Variants in PPEF1 observed in about 807,000 individuals in gnomAD.
The protein encoded by PPEF1 is protein phosphatase with EF-hand domain 1.
PPEF1 carries 12 observed loss-of-function variants against 53.3 expected under a neutral mutation model. That is an observed-to-expected ratio of 0.23 (90% CI 0.14 to 0.36). PPEF1 has a LOEUF of 0.36. Among genes scored for constraint, PPEF1 ranks in the 10% least tolerant of loss-of-function variants. The pLI, the probability that PPEF1 is intolerant of heterozygous loss-of-function variation, is 1.00. For missense variants in PPEF1, 334 were observed against 490.4 expected (o/e 0.68, Z 3.01); for synonymous variants, 165 against 176.7 (o/e 0.93, Z 0.52).
At chrX:18,716,691 A>G (rs2044466001) in intron 1 of PPEF1, among the ~76,000 whole-genome samples, 2 of 110,613 alleles carry the variant, frequency 1.8e-5, no homozygotes, top group Admixed American at 1.9e-4. Flanking sequence ...ATAACAAATG[A>G]AAATCTTTCA....
At chrX:18,717,292 C>T (rs951300723) in intron 1 of PPEF1, among the ~76,000 whole-genome samples, 6 of 108,550 alleles carry the variant, frequency 5.5e-5, no homozygotes, top group Non-Finnish European at 5.7e-5. Context: ...GGGATATTCT[C>T]TTATATAACT....
chrX:18,808,952 A>G (rs1363319661), intron 12 of PPEF1, among the ~76,000 whole-genome samples: 5 of 111,593 alleles, frequency 4.5e-5, no homozygotes, highest in Non-Finnish European at 7.5e-5. Context: ...AGATATTTGC[A>G]TTCCCATGCT....
intron 4 of PPEF1, among the ~76,000 whole-genome samples, chrX:18,695,763 T>C (rs1384503972): frequency 8.9e-6 from 1 of 112,454 alleles, no homozygotes; most frequent in Non-Finnish European, 1.9e-5. Flanking sequence ...ATTAATCTAT[T>C]TATTAAATCA....
chrX:18,818,238 C>A, intron 13 of PPEF1, 93 bp downstream of exon 13: 1 of 513,638 alleles, frequency 1.9e-6, no homozygotes, highest in Non-Finnish European at 3.1e-6. Flanking sequence ...GATTTCAGTT[C>A]TCCATTTTTA....
intron 14 of PPEF1, among the ~76,000 whole-genome samples, chrX:18,824,395 G>A (rs2047124542): frequency 9.1e-6 from 1 of 109,512 alleles, no homozygotes; most frequent in South Asian, 4.1e-4. Context: ...AGCCAGGATC[G>A]CACCATTGCA....
intron 5 of PPEF1, among the ~76,000 whole-genome samples, chrX:18,698,743 C>T (rs868536910): frequency 6.6e-4 from 74 of 112,106 alleles, no homozygotes; most frequent in African/African-American, 2.3e-3. Context: ...CCAGAATGCA[C>T]CACTACACAG....
intron 12 of PPEF1, among the ~76,000 whole-genome samples, chrX:18,814,030 T>C (rs1254378906): frequency 9.0e-6 from 1 of 110,814 alleles, no homozygotes; most frequent in Non-Finnish European, 1.9e-5. Context: ...GTGTCTATTT[T>C]TCCCATCTTT....
chrX:18,713,183 A>T (rs1047779348), intron 1 of PPEF1, among the ~76,000 whole-genome samples: 1 of 111,741 alleles, frequency 8.9e-6, no homozygotes, highest in African/African-American at 3.2e-5. Flanking sequence ...GGAAGAGTTC[A>T]TGAAGAATTG....
chrX:18,717,460 C>T (rs1378216687), intron 1 of PPEF1, among the ~76,000 whole-genome samples: 1 of 110,093 alleles, frequency 9.1e-6, no homozygotes, highest in Non-Finnish European at 1.9e-5. Context: ...TCATCCCCTC[C>T]AGTTCCTCTC....
Position 18,687,821 on chromosome X carries a change from C to T in PPEF1, c.-426+1590C>T, listed in dbSNP as rs183942145. On this transcript the variant is annotated intron_variant, in intron 3 of 21. Transcript: ENST00000361511. Reference sequence around the variant, plus strand: ...CTCGTGCCTCAGCCTCCGGAGTAGCCGGGACTATAGGCGCACACCACCATG... The same window carrying T: ...CTCGTGCCTCAGCCTCCGGAGTAGCTGGGACTATAGGCGCACACCACCATG... 8.9e-3 allele frequency among the ~76,000 whole-genome samples: 966 copies of T among 109,051 alleles called. 6 individuals carry two copies. The highest frequency in any genetic ancestry group is 0.012 in the Non-Finnish European group (616 of 52,471). The allele number at this position is 109,051 out of a possible 115,157, so 94.7% of individuals were successfully genotyped here.
rs760018201 is a variant in PPEF1 at position 18,800,114 on chromosome X, A to G, written c.1066-3778A>G. ...CTTCCTCATTCCTTTGATGATGACT[A>G]AGTCCTGAATATGTTAAGTGATTTG... On this transcript the variant is annotated intron_variant, in intron 10 of 15. Coordinates refer to ENST00000470157, the MANE Select transcript of PPEF1 (RefSeq NM_001377996.1). Among the ~76,000 whole-genome samples the G allele has an allele frequency of 4.4e-3, 490 of 111,356 alleles. 1 individual carries two copies. The highest frequency in any genetic ancestry group is 0.015 in the African/African-American group (471 of 30,689).
At chrX:18,774,269 A>G (rs914349393) in intron 6 of PPEF1, among the ~76,000 whole-genome samples, 2 of 111,377 alleles carry the variant, frequency 1.8e-5, no homozygotes, top group Admixed American at 9.6e-5. Context: ...TTGTATTTTT[A>G]GTAGAAACAG....
chrX:18,779,265 G>A (rs1263654713), intron 7 of PPEF1, 89 bp downstream of exon 7: 12 of 890,304 alleles, frequency 1.3e-5, no homozygotes, highest in Non-Finnish European at 1.8e-5. Flanking sequence ...ATAGAAGTGA[G>A]TGTATTGGAA....
intron 9 of PPEF1, among the ~76,000 whole-genome samples, chrX:18,786,415 C>T (rs769046282): frequency 9.0e-6 from 1 of 111,546 alleles, no homozygotes; most frequent in African/African-American, 3.3e-5. Context: ...CCTTGGTTTC[C>T]ACACGTATAA....
chrX:18,703,331 A>G (rs148642121), upstream of PPEF1, among the ~76,000 whole-genome samples: 1,941 of 111,975 alleles, frequency 0.017, 52 homozygotes, highest in African/African-American at 0.059. Flanking sequence ...TATTATAGCC[A>G]ATTTTTTCTA....
chrX:18,756,419 A>G (rs766232260), intron 4 of PPEF1, among the ~76,000 whole-genome samples: 20 of 111,340 alleles, frequency 1.8e-4, no homozygotes, highest in Admixed American at 5.8e-4. Flanking sequence ...ACCTCAAGTG[A>G]TCTGCCCACC....
intron 3 of PPEF1, among the ~76,000 whole-genome samples, chrX:18,734,226 C>T (rs1307183926): frequency 9.3e-6 from 1 of 107,171 alleles, no homozygotes; most frequent in Non-Finnish European, 1.9e-5. Flanking sequence ...GTGTGCTGCA[C>T]CCATTAACTC....
At chrX:18,778,626 C>G (rs1050028874) in intron 6 of PPEF1, among the ~76,000 whole-genome samples, 1 of 111,610 alleles carries the variant, frequency 9.0e-6, no homozygotes, top group Non-Finnish European at 1.9e-5. Flanking sequence ...TAAAGGATTT[C>G]TGGCTCGTAG....
rs770971250 is a variant in PPEF1, at chrX:18,824,077, T to C, written c.1656T>C (p.Pro552=). The C allele has an allele frequency of 1.3e-5, 16 of 1,192,069 alleles. No homozygotes were observed. The highest frequency in any genetic ancestry group is 3.0e-5 in the East Asian group (1 of 33,391). ...TCCAGAATATCCGCATTGAAAAACC[T>C]GTACAAGAGGCAAGTGAAACATAGC... ...SSFQNIRIEK[P]VQEAHSTLVE... Residue 552 remains proline, a synonymous_variant, in exon 14 of 16, where the codon CCT becomes CCC. Transcript: ENST00000470157.
Sources: allele counts gnomAD v4.1 joint callset (sites outside exome capture counted in the v4.1 genomes callset), GRCh38; gene constraint gnomAD v4.1.1; transcripts MANE v1.5; gene names NCBI Gene and HGNC (gene_info 2026-07-23, HGNC 2026-07-21).